The following DHRS9 variants were observed in gnomAD, a reference collection of about 807,000 sequenced individuals.
DHRS9 encodes the protein dehydrogenase/reductase 9, also known as dehydrogenase/reductase SDR family member 9.
A neutral mutation model predicts 26.6 loss-of-function variants in DHRS9; 18 were observed. The ratio of observed to expected loss-of-function variants is 0.68; its 90% CI spans 0.47 to 1.00. The LOEUF (loss-of-function observed/expected upper bound fraction) is 1.00, where lower values mean the gene tolerates loss of function less well. DHRS9 is among the 50% of genes least tolerant of loss of function. The pLI, the probability that DHRS9 is intolerant of heterozygous loss-of-function variation, is 0.00. For missense variants in DHRS9, 425 were observed against 378.7 expected (o/e 1.12, Z -1.01); for synonymous variants, 134 against 141.1 (o/e 0.95, Z 0.36).
chr2:169,088,637 C>T (rs1188222499), intron 3 of DHRS9, among the ~76,000 whole-genome samples: 2 of 152,180 alleles, frequency 1.3e-5, no homozygotes, highest in Non-Finnish European at 2.9e-5. Context: ...GATGATGCCA[C>T]TAAAACTAAA....
intron 1 of DHRS9, among the ~76,000 whole-genome samples, chr2:169,075,130 C>G (rs1683926623): frequency 6.6e-6 from 1 of 152,124 alleles, no homozygotes; most frequent in Non-Finnish European, 1.5e-5. Context: ...CTCCAAAAGT[C>G]TGGGGTTCTT....
intron 4 of DHRS9, among the ~76,000 whole-genome samples, chr2:169,093,279 C>T (rs773560100): frequency 1.3e-5 from 2 of 151,808 alleles, no homozygotes; most frequent in Non-Finnish European, 2.9e-5. Flanking sequence ...CAAGTCAGAC[C>T]CACCTGGAGA....
At chr2:169,074,967 A>G (rs1247265807) in intron 1 of DHRS9, among the ~76,000 whole-genome samples, 1 of 152,178 alleles carries the variant, frequency 6.6e-6, no homozygotes. Flanking sequence ...GGGTTTGCAT[A>G]GAAAAGGTGG....
chr2:169,068,498 G>C (rs964607038), upstream of DHRS9, among the ~76,000 whole-genome samples: 3 of 152,050 alleles, frequency 2.0e-5, no homozygotes, highest in Non-Finnish European at 4.4e-5. Flanking sequence ...CTAATTTTTT[G>C]TATTTTTAGT....
intron 1 of DHRS9, among the ~76,000 whole-genome samples, chr2:169,073,238 T>C (rs1266239554): frequency 6.6e-6 from 1 of 152,218 alleles, no homozygotes; most frequent in Non-Finnish European, 1.5e-5. Context: ...ACTGCAGTGG[T>C]AGAACAGAAT....
At chr2:169,092,619 GCAGGT>G (rs976840391) in intron 4 of DHRS9, among the ~76,000 whole-genome samples, 87 of 152,322 alleles carry the variant, frequency 5.7e-4, no homozygotes, top group African/African-American at 1.5e-3. Context: ...CCCTAATGGG[GCAGGT>G]CAGGTTTGAA....
At chr2:169,088,791 T>C (rs375552197) in intron 3 of DHRS9, among the ~76,000 whole-genome samples, 3 of 152,222 alleles carry the variant, frequency 2.0e-5, no homozygotes, top group East Asian at 1.9e-4. Flanking sequence ...GGTCAGTTTG[T>C]CAGATATTTA....
intron 3 of DHRS9, among the ~76,000 whole-genome samples, chr2:169,085,243 T>A (rs1278933914): frequency 6.6e-6 from 1 of 152,190 alleles, no homozygotes; most frequent in Non-Finnish European, 1.5e-5. Context: ...TATAGCTTTA[T>A]AGAAAATTTG....
Position 169,095,751 on chromosome 2 carries a change from A to G in DHRS9, c.944A>G (p.Asn315Ser), listed in dbSNP as rs1333641035. The part of the protein sequence containing the change: ...LLLKQKAELA[N>S]PKAV ...TTGAAACAGAAAGCAGAGCTGGCTAATCCCAAGGCAGTGTGACTCAGCTAA... is the reference window on the plus strand; with the variant it reads ...TTGAAACAGAAAGCAGAGCTGGCTAGTCCCAAGGCAGTGTGACTCAGCTAA... Residue 315 changes from asparagine to serine, a missense_variant, in exon 5 of 5, where the codon AAT (asparagine) becomes AGT (serine). Asn to Ser is a conservative substitution (Grantham distance 46). Coordinates refer to ENST00000674881, the MANE Select transcript of DHRS9 (RefSeq NM_001376924.1). The G allele has an allele frequency of 6.2e-7, 1 of 1,613,670 alleles. No individual in the cohort carries two copies. Among genetic ancestry groups the G allele is most frequent in the South Asian group, 1.1e-5 (1 of 91,078 alleles).
intron 3 of DHRS9, among the ~76,000 whole-genome samples, chr2:169,084,379 T>C (rs982210462): frequency 3.3e-5 from 5 of 152,338 alleles, no homozygotes; most frequent in Middle Eastern, 6.8e-3. Flanking sequence ...CTGGATCATA[T>C]GGTAGCTCAA....
At chr2:169,070,659 T>C in intron 1 of DHRS9, 26 of 984,166 alleles carry the variant, frequency 2.6e-5, no homozygotes, top group Non-Finnish European at 3.1e-5. Flanking sequence ...CAAATTTCAA[T>C]GTTTAAGTAC....
In DHRS9 at chr2:169,069,686, C is replaced by T. The variant is rs1329128388; in HGVS notation, c.-91C>T. ...GCCATCAGCTGAGCAAGTCCACCAA[C>T]AGTTTCTGTGTCCCACTTCATCTTT... On this transcript the variant is annotated 5_prime_UTR_variant, in exon 1 of 5. Coordinates refer to ENST00000674881, the MANE Select transcript of DHRS9 (RefSeq NM_001376924.1). 2 of 985,342 alleles carry T rather than the reference C, an allele frequency of 2.0e-6. No homozygotes were observed. Among genetic ancestry groups the T allele is most frequent in the African/African-American group, 3.5e-5 (2 of 57,254 alleles). The allele number at this position is 985,342 out of a possible 1,614,324, so 61.0% of individuals were successfully genotyped here.
At chr2:169,083,615 A>C (rs779523199) in intron 3 of DHRS9, 28 bp downstream of exon 3, 1 of 1,608,102 alleles carries the variant, frequency 6.2e-7, no homozygotes, top group Non-Finnish European at 8.5e-7. Flanking sequence ...ACTTATTAGG[A>C]AACAATAGCT....
At chr2:169,071,352 A>G (rs1257496692) in intron 1 of DHRS9, among the ~76,000 whole-genome samples, 1 of 152,170 alleles carries the variant, frequency 6.6e-6, no homozygotes, top group Non-Finnish European at 1.5e-5. Flanking sequence ...TAATAAACCT[A>G]GGAGGGACTT....
At chr2:169,080,239 G>T (rs942883866) in intron 1 of DHRS9, among the ~76,000 whole-genome samples, 2 of 152,268 alleles carry the variant, frequency 1.3e-5, no homozygotes. Flanking sequence ...TAAGGGCAAA[G>T]ATATTGCGTG....
chr2:169,072,776 C>A, intron 1 of DHRS9: 1 of 363,504 alleles, frequency 2.8e-6, no homozygotes, highest in Non-Finnish European at 3.8e-6. Context: ...GTTCTTGTGC[C>A]TGCTGTCGAC....
intron 1 of DHRS9, 66 bp from the exon 2 acceptor site, chr2:169,081,457 T>G: frequency 6.9e-7 from 1 of 1,451,356 alleles, no homozygotes; most frequent in Non-Finnish European, 9.1e-7. Flanking sequence ...CTCAAATTCA[T>G]CAGTCCTGGG....
rs1214643272 is a variant in DHRS9, at chr2:169,091,857, GC to G, written c.641del (p.Ala214GlufsTer4). On this transcript the variant is annotated frameshift_variant, in exon 4 of 5. Transcript: ENST00000674881. LOFTEE classifies it high-confidence loss of function. The stretch of plus-strand genomic sequence containing the variant: ...ACCAGGATTGTTCAAAACAAACTTG[GC>G]AGATCCAGTAAAGGTAATTGAAAAA... The part of the protein sequence containing the change: ...IEPGLFKTNL[A>X]DPVKVIEKKL... The G allele has an allele frequency of 6.2e-7, 1 of 1,613,992 alleles. No individual in the cohort carries two copies. The highest frequency in any genetic ancestry group is 1.1e-5 in the South Asian group (1 of 91,092).
intron 2 of DHRS9, 66 bp downstream of exon 2, chr2:169,081,960 T>G: frequency 6.9e-7 from 1 of 1,457,952 alleles, no homozygotes; most frequent in Non-Finnish European, 9.2e-7. Context: ...CAAAGCTAAA[T>G]AAAACATGCT....
Sources: gnomAD v4.1 joint callset for allele counts (sites outside exome capture counted in the v4.1 genomes callset) on GRCh38, gnomAD v4.1.1 for gene constraint, MANE v1.5 for transcripts, NCBI Gene and HGNC (gene_info 2026-07-23, HGNC 2026-07-21) for gene names.